Variants in GIPC2 observed in about 807,000 individuals in gnomAD.
The protein encoded by GIPC2 is PDZ domain-containing protein GIPC2.
In GIPC2, 30 loss-of-function variants were observed where a neutral mutation model predicts 30.6. That is an observed-to-expected ratio of 0.98 (90% confidence interval 0.73 to 1.33). GIPC2 has a LOEUF of 1.33. Ranked by LOEUF, GIPC2 falls within the 40% of genes most tolerant of loss-of-function variation. The probability of loss-of-function intolerance (pLI) is 0.00; values close to 1 mark genes in which losing one functional copy is unlikely to be tolerated. For synonymous variants in GIPC2, 167 were observed against 150.0 expected (o/e 1.11, Z -0.83); for missense variants, 414 against 390.3 (o/e 1.06, Z -0.51).
chr1:78,055,951 T>C (rs1365657280), intron 1 of GIPC2, among the ~76,000 whole-genome samples: 1 of 152,166 alleles, frequency 6.6e-6, no homozygotes, highest in Non-Finnish European at 1.5e-5. Flanking sequence ...CTTTATGCAT[T>C]GTTCTCTTTA....
intron 3 of GIPC2, among the ~76,000 whole-genome samples, chr1:78,116,529 C>T (rs574390427): frequency 2.2e-4 from 34 of 152,020 alleles, no homozygotes; most frequent in Admixed American, 2.6e-4. Flanking sequence ...CAACAGGCCC[C>T]GGTGTGTGAT....
rs143442658 is a variant in GIPC2, at chr1:78,113,543, C to A, written c.608-5850C>A. ...GCTGGGACTACAGGTACATGCTACC[C>A]TGTCTGGCTAATTTTTGTATTTTTT... On this transcript the variant is annotated intron_variant, in intron 3 of 5. Coordinates refer to ENST00000370759, the MANE Select transcript of GIPC2 (RefSeq NM_017655.6). 9.9e-5 allele frequency among the ~76,000 whole-genome samples: 15 copies of A among 152,230 alleles called. 1 individual carries two copies. The East Asian group carries it at 1.4e-3, about 14-fold the overall frequency.
intron 5 of GIPC2, among the ~76,000 whole-genome samples, chr1:78,130,914 T>G (rs1004903843): frequency 1.3e-5 from 2 of 152,210 alleles, no homozygotes; most frequent in Admixed American, 1.3e-4. Context: ...TTAATAATAA[T>G]GTAAATGTAG....
At chr1:78,074,668 A>G (rs1661682840) in intron 1 of GIPC2, among the ~76,000 whole-genome samples, 2 of 152,190 alleles carry the variant, frequency 1.3e-5, no homozygotes, top group African/African-American at 2.4e-5. Flanking sequence ...CTTAACTCTT[A>G]ATCCATTATT....
At position 78,070,719 on chromosome 1, in the gene GIPC2, G is replaced by A. The variant is rs145495603; in HGVS notation, c.241-9956G>A. Reference sequence around the variant, plus strand: ...TTATTATATTTCATTAGTAAAGAAAGTGTTCTTTTGGTTATGCTGGGAAGT... The same window carrying A: ...TTATTATATTTCATTAGTAAAGAAAATGTTCTTTTGGTTATGCTGGGAAGT... On this transcript the variant is annotated intron_variant, in intron 1 of 5. Coordinates refer to ENST00000370759, the MANE Select transcript of GIPC2 (RefSeq NM_017655.6). Among the ~76,000 whole-genome samples, 53 of 152,224 alleles carry A rather than the reference G, an allele frequency of 3.5e-4. No individual in the cohort carries two copies. The East Asian group carries it at 8.7e-3, about 25-fold the overall frequency.
Position 78,046,186 on chromosome 1 carries a change from G to C in GIPC2, c.92G>C (p.Ser31Thr). 1 of 1,575,730 alleles carries C rather than the reference G, an allele frequency of 6.3e-7. No individual in the cohort carries two copies. Among genetic ancestry groups the C allele is most frequent in the Non-Finnish European group, 8.6e-7 (1 of 1,163,404 alleles). ...EGEPTGAGGG[S>T]LSASRAPARR... ...GAGCCGACGGGCGCGGGCGGCGGGA[G>C]CCTCTCAGCGTCCCGGGCTCCCGCA... The change falls in exon 1 of 6, where the codon AGC becomes ACC. Residue 31 changes from serine (S) to threonine (T), a missense_variant. Physicochemically the swap from Ser to Thr is moderately conservative, Grantham distance 58. Coordinates refer to ENST00000370759, the MANE Select transcript of GIPC2 (RefSeq NM_017655.6).
intron 4 of GIPC2, among the ~76,000 whole-genome samples, chr1:78,121,962 C>G (rs1662691625): frequency 6.6e-6 from 1 of 152,206 alleles, no homozygotes; most frequent in African/African-American, 2.4e-5. Flanking sequence ...GACCTTTAAA[C>G]AGCTCACAAA....
intron 5 of GIPC2, among the ~76,000 whole-genome samples, chr1:78,128,861 C>G (rs533476100): frequency 1.3e-5 from 2 of 151,902 alleles, no homozygotes; most frequent in South Asian, 4.2e-4. Context: ...AAAAATTAGC[C>G]AGGCATGGTG....
chr1:78,060,091 T>G (rs1023137281), intron 1 of GIPC2, among the ~76,000 whole-genome samples: 2 of 152,206 alleles, frequency 1.3e-5, no homozygotes, highest in African/African-American at 4.8e-5. Flanking sequence ...ACAAATTCTT[T>G]TATAGTTGTT....
At chr1:78,132,356 A>G (rs1262490063) in intron 5 of GIPC2, among the ~76,000 whole-genome samples, 3 of 152,186 alleles carry the variant, frequency 2.0e-5, no homozygotes, top group African/African-American at 7.2e-5. Flanking sequence ...CTGTATAACT[A>G]GACTGTATCA....
chr1:78,101,509 A>G (rs938702156), intron 3 of GIPC2, among the ~76,000 whole-genome samples: 3 of 152,326 alleles, frequency 2.0e-5, no homozygotes, highest in Middle Eastern at 3.4e-3. Context: ...GTGTATATTT[A>G]TGGGTCATGA....
chr1:78,118,337 CAAAA>C (rs55905283), intron 3 of GIPC2, among the ~76,000 whole-genome samples: 1 of 12,178 alleles, frequency 8.2e-5, no homozygotes, highest in Non-Finnish European at 1.6e-4. Context: ...TGGGGCCTAC[CAAAA>C]AAAAAAAAAA....
intron 5 of GIPC2, among the ~76,000 whole-genome samples, chr1:78,132,513 G>T (rs1662918135): frequency 6.6e-6 from 1 of 152,092 alleles, no homozygotes; most frequent in Non-Finnish European, 1.5e-5. Context: ...TTTGTGACTA[G>T]AAACCCAAAG....
intron 2 of GIPC2, among the ~76,000 whole-genome samples, chr1:78,090,233 C>T (rs781715357): frequency 3.9e-5 from 6 of 152,142 alleles, no homozygotes; most frequent in Non-Finnish European, 5.9e-5. Flanking sequence ...CTCACTCTGT[C>T]GCCCAGGCTG....
intron 4 of GIPC2, among the ~76,000 whole-genome samples, chr1:78,124,451 AG>A (rs1283235294): frequency 1.3e-5 from 2 of 152,202 alleles, no homozygotes; most frequent in Non-Finnish European, 2.9e-5. Flanking sequence ...ATACACAATA[AG>A]GGTATTTGTT....
At chr1:78,060,611 A>T (rs1661373983) in intron 1 of GIPC2, among the ~76,000 whole-genome samples, 1 of 152,224 alleles carries the variant, frequency 6.6e-6, no homozygotes. Context: ...GCATTCATTT[A>T]CTGAAGTTAC....
intron 5 of GIPC2, among the ~76,000 whole-genome samples, chr1:78,132,854 C>T (rs890622304): frequency 2.0e-5 from 3 of 152,080 alleles, no homozygotes; most frequent in African/African-American, 7.2e-5. Flanking sequence ...CTTATTTCTT[C>T]CTCAGCTAGC....
Position 78,137,021 on chromosome 1 carries a change from G to C in GIPC2, c.*1278G>C, listed in dbSNP as rs916887068. On this transcript the variant is annotated 3_prime_UTR_variant, in exon 6 of 6. Transcript: ENST00000370759. ...AGTTCTCTTTTCTTGCTGGATTATT[G>C]CTTAGATAACTCTTGTTTTCTGGTA... The C allele has an allele frequency of 1.4e-4, 21 of 152,082 alleles. No individual in the cohort carries two copies. Among genetic ancestry groups the C allele is most frequent in the African/African-American group, 5.1e-4 (21 of 41,424 alleles). The allele number at this position is 152,082 out of a possible 1,614,324, so 9.4% of individuals were successfully genotyped here. A position where few individuals can be genotyped will look rare whatever the true frequency, so the allele number is the denominator to read the frequency against.
rs540742 is a variant in GIPC2, at chr1:78,119,402, T to C, written c.617T>C (p.Leu206Pro). The C allele has an allele frequency of 0.23, 359,666 of 1,587,268 alleles. 45,819 individuals carry two copies. Among genetic ancestry groups the C allele is most frequent in the East Asian group, 0.65 (29,067 of 44,606 alleles). ...GTTCATTGTATTGTAGAAATAGAGC[T>C]GAGGTCAAAGGCTGGAAAGTCATCA... ...IEPKKAFEIE[L>P]RSKAGKSSGE... The change falls in exon 4 of 6, where the codon CTG becomes CCG. Residue 206 changes from leucine to proline, a missense_variant. Leu to Pro is a moderately conservative substitution (Grantham distance 98, BLOSUM62 -3). Coordinates refer to ENST00000370759, the MANE Select transcript of GIPC2 (RefSeq NM_017655.6).
Sources: allele counts gnomAD v4.1 joint callset (sites outside exome capture counted in the v4.1 genomes callset), GRCh38; gene constraint gnomAD v4.1.1; transcripts MANE v1.5; gene names NCBI Gene and HGNC (gene_info 2026-07-23, HGNC 2026-07-21).